MAP7: variants seen among roughly 807,000 people sequenced by gnomAD.
The protein encoded by MAP7 is ensconsin.
In MAP7, 52 loss-of-function variants were observed where a neutral mutation model predicts 94.8. The observed-to-expected ratio is 0.55, with a 90% CI of 0.44 to 0.69. MAP7 has a LOEUF of 0.69. Among genes scored for constraint, MAP7 ranks in the 30% least tolerant of loss-of-function variants. The pLI, the probability that MAP7 is intolerant of heterozygous loss-of-function variation, is 0.00. For missense variants in MAP7, 940 were observed against 964.6 expected (o/e 0.97, Z 0.34); for synonymous variants, 350 against 357.0 (o/e 0.98, Z 0.22).
chr6:136,364,739 T>A (rs1297961825), intron 10 of MAP7: 2 of 163,274 alleles, frequency 1.2e-5, no homozygotes, highest in Non-Finnish European at 2.6e-5. Flanking sequence ...TCAGCAATAA[T>A]ATGGAGCGGT....
intron 1 of MAP7, among the ~76,000 whole-genome samples, chr6:136,542,406 C>G (rs1829398037): frequency 1.3e-5 from 2 of 152,330 alleles, no homozygotes; most frequent in African/African-American, 4.8e-5. Context: ...CTTTACAAAG[C>G]ACTGTATCTG....
At chr6:136,489,377 C>T (rs535643989) in intron 1 of MAP7, among the ~76,000 whole-genome samples, 12 of 152,114 alleles carry the variant, frequency 7.9e-5, no homozygotes, top group African/African-American at 2.4e-4. Flanking sequence ...CCTTTTATCC[C>T]GAACATTAAT....
At chr6:136,371,946 G>A (rs1446308699) in intron 8 of MAP7, among the ~76,000 whole-genome samples, 4 of 152,112 alleles carry the variant, frequency 2.6e-5, no homozygotes, top group African/African-American at 9.7e-5. Flanking sequence ...AGCCTTTTAC[G>A]AATTAGTGAT....
At chr6:136,356,991 TA>T (rs1268772307) in intron 15 of MAP7, among the ~76,000 whole-genome samples, 197 bp from the exon 16 acceptor site, 2 of 151,878 alleles carry the variant, frequency 1.3e-5, no homozygotes, top group African/African-American at 2.4e-5. Context: ...TTGTTAGAAT[TA>T]AATGTATTAA....
chr6:136,460,373 G>GT (rs557332492), intron 1 of MAP7, among the ~76,000 whole-genome samples: 93 of 152,068 alleles, frequency 6.1e-4, no homozygotes, highest in African/African-American at 2.1e-3. Flanking sequence ...GTTTCTTTTT[G>GT]TTTTTGCCAA....
chr6:136,452,995 CA>C (rs1801660174), intron 1 of MAP7, among the ~76,000 whole-genome samples: 1 of 152,168 alleles, frequency 6.6e-6, no homozygotes, highest in African/African-American at 2.4e-5. Context: ...CACTTCATTG[CA>C]GTGGTCTGGA....
chr6:136,445,818 G>A (rs566262822), intron 1 of MAP7, among the ~76,000 whole-genome samples: 77 of 152,282 alleles, frequency 5.1e-4, no homozygotes, highest in African/African-American at 1.7e-3. Flanking sequence ...TAACAGCTGC[G>A]TAATGAATAA....
chr6:136,397,753 T>C (rs936777930), intron 3 of MAP7, among the ~76,000 whole-genome samples: 5 of 152,120 alleles, frequency 3.3e-5, no homozygotes, highest in Non-Finnish European at 1.5e-5. Flanking sequence ...TAAATTTCTG[T>C]TGTTTAAGCT....
At chr6:136,532,649 C>A (rs1282553398) in intron 1 of MAP7, among the ~76,000 whole-genome samples, 3 of 150,928 alleles carry the variant, frequency 2.0e-5, no homozygotes, top group Admixed American at 2.0e-4. Context: ...ATCTCTAGAG[C>A]TTCTTCTGAT....
intron 15 of MAP7, among the ~76,000 whole-genome samples, chr6:136,357,781 C>T (rs1277804095): frequency 2.0e-5 from 3 of 152,226 alleles, no homozygotes; most frequent in Non-Finnish European, 4.4e-5. Flanking sequence ...GCATGAGCTA[C>T]CTCACCTGGT....
chr6:136,473,693 A>G (rs1272018276), intron 1 of MAP7, among the ~76,000 whole-genome samples: 2 of 152,232 alleles, frequency 1.3e-5, no homozygotes, highest in African/African-American at 4.8e-5. Flanking sequence ...AGAGTTGTAC[A>G]AACTTTATCA....
chr6:136,493,909 T>C (rs1256520104), intron 1 of MAP7, among the ~76,000 whole-genome samples: 1 of 152,222 alleles, frequency 6.6e-6, no homozygotes, highest in Non-Finnish European at 1.5e-5. Context: ...GACTATTATT[T>C]AAGCTTTGAG....
intron 1 of MAP7, among the ~76,000 whole-genome samples, chr6:136,456,620 C>T (rs1333352678): frequency 6.6e-6 from 1 of 150,954 alleles, no homozygotes; most frequent in Non-Finnish European, 1.5e-5. Flanking sequence ...TGCAGTGGTC[C>T]ATGATTATGC....
At chr6:136,493,566 T>C (rs1319042440) in intron 1 of MAP7, among the ~76,000 whole-genome samples, 1 of 152,150 alleles carries the variant, frequency 6.6e-6, no homozygotes, top group Non-Finnish European at 1.5e-5. Context: ...AGGAGCGCAC[T>C]TGCCACACCT....
chr6:136,371,153 C>T (rs966835565), intron 8 of MAP7, among the ~76,000 whole-genome samples: 1 of 151,814 alleles, frequency 6.6e-6, no homozygotes, highest in South Asian at 2.1e-4. Flanking sequence ...CAAAACAAAA[C>T]AAGGCTCTGG....
rs146468391 is a variant in MAP7, at chr6:136,484,933, G to T, written c.68-63134C>A. Among the ~76,000 whole-genome samples the T allele has an allele frequency of 3.4e-3, 523 of 152,206 alleles. 8 individuals carry two copies. Among genetic ancestry groups the T allele is most frequent in the East Asian group, 7.0e-3 (36 of 5,168 alleles). On this transcript the variant is annotated intron_variant, in intron 1 of 17. Coordinates refer to ENST00000354570, the MANE Select transcript of MAP7 (RefSeq NM_003980.6). ...TGGTCTTGAACTCCTGGCCTCAAAT[G>T]ATCTCCAGCCTCAGCCTCCTAAAGT...
At chr6:136,548,097 AC>A (rs1250343885) in intron 1 of MAP7, among the ~76,000 whole-genome samples, 666 of 44,908 alleles carry the variant, frequency 0.015, 3 homozygotes, top group Middle Eastern at 0.054. Context: ...CACCACCACC[AC>A]CCCCCCCCAC....
chr6:136,361,604 T>C (rs1792800275), intron 11 of MAP7, among the ~76,000 whole-genome samples: 1 of 152,234 alleles, frequency 6.6e-6, no homozygotes, highest in Non-Finnish European at 1.5e-5. Flanking sequence ...AAGCTCCCTG[T>C]TGGAGCCAAG....
At chr6:136,545,996 T>C (rs943383646) in intron 1 of MAP7, among the ~76,000 whole-genome samples, 1 of 152,172 alleles carries the variant, frequency 6.6e-6, no homozygotes, top group African/African-American at 2.4e-5. Context: ...ATAGTATTTG[T>C]TACTATTCTT....
Sources: gnomAD v4.1 joint callset for allele counts (sites outside exome capture counted in the v4.1 genomes callset) on GRCh38, gnomAD v4.1.1 for gene constraint, MANE v1.5 for transcripts, NCBI Gene and HGNC (gene_info 2026-07-23, HGNC 2026-07-21) for gene names.